Variants in ZNF250 observed in about 807,000 individuals in gnomAD.
ZNF250 encodes the protein zinc finger protein 250, also known as zinc finger protein (clone 647).
Under a neutral mutation model 37.1 loss-of-function variants are expected in ZNF250, and 13 were observed. That is an observed-to-expected ratio of 0.35 (90% CI 0.23 to 0.56). The LOEUF is 0.56. ZNF250 is among the 20% of genes least tolerant of loss of function. The probability of loss-of-function intolerance (pLI) is 0.87; values close to 1 mark genes in which losing one functional copy is unlikely to be tolerated. For missense variants in ZNF250, 474 were observed against 697.9 expected, an observed-to-expected ratio of 0.68 and a Z score of 3.61; for synonymous variants, 251 against 265.6, an observed-to-expected ratio of 0.94 and a Z score of 0.54.
Position 144,901,280 on chromosome 8 carries a change from C to T in ZNF250, c.-55+119G>A, listed in dbSNP as rs1007874266. 1 of 152,318 alleles carries T rather than the reference C, an allele frequency of 6.6e-6. No homozygotes were observed. The highest frequency in any genetic ancestry group is 1.5e-5 in the Non-Finnish European group (1 of 68,168). The allele number at this position is 152,318 out of a possible 1,614,324, so 9.4% of individuals were successfully genotyped here. ...CGTGAGGGGAGGGGACCAGCGTAAACGCAGGAGGCAGTGCGTGCTCGCGGG... is the reference window on the plus strand; with the variant it reads ...CGTGAGGGGAGGGGACCAGCGTAAATGCAGGAGGCAGTGCGTGCTCGCGGG... On this transcript the variant is annotated intron_variant, in intron 1 of 5. Coordinates refer to ENST00000417550, the MANE Select transcript of ZNF250 (RefSeq NM_001109689.4). This position sits in a 1 kb window ranked among gnomAD's most constrained non-coding sequence, Gnocchi z 5.4.
rs1238464892 is a variant in ZNF250 at position 144,891,799 on chromosome 8, C to A, written c.-54-1396G>T. Among the ~76,000 whole-genome samples, 1 of 152,132 alleles carries A rather than the reference C, an allele frequency of 6.6e-6. No individual in the cohort carries two copies. Among genetic ancestry groups the A allele is most frequent in the Non-Finnish European group, 1.5e-5 (1 of 68,036 alleles). On this transcript the variant is annotated intron_variant, in intron 1 of 5. Coordinates refer to ENST00000417550, the MANE Select transcript of ZNF250 (RefSeq NM_001109689.4). The surrounding 1 kb of genome is among the most constrained non-coding windows in gnomAD (Gnocchi z 4.0). ...CTCAGGAGGTGGAGGATGCGATGAG[C>A]CGAGATCATGCCATTGCACTCCAGC...
rs1222048919 is a variant in ZNF250, at chr8:144,901,215, G to A, written c.-55+184C>T. ...GGGTGGGAACCCCGAACGGGGGAGA[G>A]GGCGCGGCCTTGGCCCTGGGGAGGA... is the stretch of plus-strand genomic sequence containing the variant. On this transcript the variant is annotated intron_variant, in intron 1 of 5. Coordinates refer to ENST00000417550, the MANE Select transcript of ZNF250 (RefSeq NM_001109689.4). The surrounding 1 kb of genome is among the most constrained non-coding windows in gnomAD (Gnocchi z 5.4). 6.6e-6 allele frequency: 1 copy of A among 152,322 alleles called. No individual in the cohort carries two copies. Among genetic ancestry groups the A allele is most frequent in the Non-Finnish European group, 1.5e-5 (1 of 68,148 alleles). 9.4% of individuals were successfully genotyped at this position (152,322 alleles called of 1,614,324 possible).
At chr8:144,884,320 C>T (rs567626957) in intron 5 of ZNF250, among the ~76,000 whole-genome samples, 5 of 152,266 alleles carry the variant, frequency 3.3e-5, no homozygotes, top group African/African-American at 9.6e-5. Context: ...GGGACGAGCT[C>T]GGCTCACTGC....
intron 5 of ZNF250, among the ~76,000 whole-genome samples, chr8:144,885,916 C>T (rs936867980): frequency 6.7e-6 from 1 of 149,274 alleles, no homozygotes; most frequent in African/African-American, 2.5e-5. Flanking sequence ...GACCAGCTTG[C>T]GCAACATGGT....
upstream of ZNF250, chr8:144,902,082 C>A (rs1016714431): frequency 1.3e-5 from 2 of 152,370 alleles, no homozygotes; most frequent in Admixed American, 1.3e-4. Flanking sequence ...AGGTCCGAGG[C>A]GCAGCCGCTC....
At position 144,881,256 on chromosome 8, in the gene ZNF250, G is replaced by T; in HGVS notation, c.*259C>A. On this transcript the variant is annotated 3_prime_UTR_variant, in exon 6 of 6. Coordinates refer to ENST00000417550, the MANE Select transcript of ZNF250 (RefSeq NM_001109689.4). ...AAACTAATGTTAAAGAATTATGGCTGTTTTTTACCAAAATTCTCTACAATT... is the reference window on the plus strand; with the variant it reads ...AAACTAATGTTAAAGAATTATGGCTTTTTTTTACCAAAATTCTCTACAATT... 1 of 391,130 alleles carries T rather than the reference G, an allele frequency of 2.6e-6. No homozygotes were observed. Among genetic ancestry groups the T allele is most frequent in the Non-Finnish European group, 4.4e-6 (1 of 226,358 alleles). The allele number at this position is 391,130 out of a possible 1,614,324, so 24.2% of individuals were successfully genotyped here. A position where few individuals can be genotyped will look rare whatever the true frequency, so the allele number is the denominator to read the frequency against.
At chr8:144,885,843 T>C (rs772520428) in intron 5 of ZNF250, among the ~76,000 whole-genome samples, 1 of 152,168 alleles carries the variant, frequency 6.6e-6, no homozygotes, top group Non-Finnish European at 1.5e-5. Flanking sequence ...TGGTGGCTCA[T>C]GTCTGTAATC....
rs184804641 is a variant in ZNF250, at chr8:144,897,921, C to T, written c.-55+3478G>A. Among the ~76,000 whole-genome samples the T allele has an allele frequency of 5.4e-4, 83 of 152,310 alleles. No homozygotes were observed. Among genetic ancestry groups the T allele is most frequent in the African/African-American group, 1.9e-3 (77 of 41,570 alleles). On this transcript the variant is annotated intron_variant, in intron 1 of 5. Transcript: ENST00000417550. The surrounding 1 kb of genome is among the most constrained non-coding windows in gnomAD (Gnocchi z 5.2). ...CTTTAAGGGGTTTTCCACCCTGGGC[C>T]GGCCAGGTGTTCCTTGCCCTCATTC...
At position 144,890,592 on chromosome 8, in the gene ZNF250, G is replaced by C. The variant is rs984167434; in HGVS notation, c.-54-189C>G. On this transcript the variant is annotated intron_variant, in intron 1 of 5. Coordinates refer to ENST00000417550, the MANE Select transcript of ZNF250 (RefSeq NM_001109689.4). This position sits in a 1 kb window ranked among gnomAD's most constrained non-coding sequence, Gnocchi z 5.1. Reference sequence around the variant, plus strand: ...CATGAACTCTGACCCTATGGTTCAGGAGCCTGTCCAGGCCCTGAACACACA... The same window carrying C: ...CATGAACTCTGACCCTATGGTTCAGCAGCCTGTCCAGGCCCTGAACACACA... Among the ~76,000 whole-genome samples the C allele has an allele frequency of 6.6e-6, 1 of 152,064 alleles. No individual in the cohort carries two copies. Among genetic ancestry groups the C allele is most frequent in the Non-Finnish European group, 1.5e-5 (1 of 67,986 alleles).
At chr8:144,885,729 T>C (rs1016086474) in intron 5 of ZNF250, among the ~76,000 whole-genome samples, 2 of 152,250 alleles carry the variant, frequency 1.3e-5, no homozygotes, top group African/African-American at 4.8e-5. Context: ...CTTTTTTTAA[T>C]GTATAAGCCT....
Position 144,879,414 on chromosome 8 carries a change from T to A in ZNF250, c.*2101A>T, listed in dbSNP as rs1471578794. On this transcript the variant is annotated 3_prime_UTR_variant, in exon 6 of 6. Transcript: ENST00000417550. ...TGGTGTTTTGCTGTGGACTTAAGGA[T>A]CAATGCCTGGATGGGCACAGCAGCT... 6.6e-6 allele frequency: 1 copy of A among 152,220 alleles called. No homozygotes were observed. Among genetic ancestry groups the A allele is most frequent in the East Asian group, 1.9e-4 (1 of 5,198 alleles). The allele number at this position is 152,220 out of a possible 1,614,324, so 9.4% of individuals were successfully genotyped here.
Position 144,882,751 on chromosome 8 carries a change from T to C in ZNF250, c.432A>G (p.Thr144=). Residue 144 remains threonine, a synonymous_variant, in exon 6 of 6, where the codon ACA becomes ACG. Coordinates refer to ENST00000417550, the MANE Select transcript of ZNF250 (RefSeq NM_001109689.4). The surrounding 1 kb of genome is among the most constrained non-coding windows in gnomAD (Gnocchi z 5.5). The stretch of plus-strand genomic sequence containing the variant: ...TTTCTTGATCAATCCTCCCCAAGGG[T>C]GTTTTCCCCAGAATCACTGTTTGCT... ...ISEQTVILGK[T]PLGRIDQENN... is the part of the protein sequence containing the mutation. The C allele has an allele frequency of 1.2e-6, 2 of 1,614,006 alleles. No homozygotes were observed. The highest frequency in any genetic ancestry group is 3.3e-4 in the Middle Eastern group (2 of 6,062).
intron 4 of ZNF250, among the ~76,000 whole-genome samples, chr8:144,888,361 C>G (rs912393044): frequency 1.3e-5 from 2 of 152,126 alleles, no homozygotes; most frequent in African/African-American, 4.8e-5. Flanking sequence ...CTTTGGGAGG[C>G]TGAGGCAGGT....
chr8:144,899,812 C>G (rs1212518520), intron 1 of ZNF250, among the ~76,000 whole-genome samples: 3 of 152,298 alleles, frequency 2.0e-5, no homozygotes, highest in South Asian at 4.1e-4. Flanking sequence ...ATTCCAAACT[C>G]ACCCCACAAT....
chr8:144,877,967 G>A lies in ZNF250; in HGVS notation c.*3548C>T, dbSNP rs1286271373. ...ATGATTAGAAATTGGGGCCTGAATA[G>A]TAGTGGGCACTGAGCAGCTGCCACT... On this transcript the variant is annotated 3_prime_UTR_variant, in exon 6 of 6. Transcript: ENST00000417550. The A allele has an allele frequency of 6.6e-6, 1 of 152,198 alleles. No individual in the cohort carries two copies. Among genetic ancestry groups the A allele is most frequent in the Admixed American group, 6.5e-5 (1 of 15,282 alleles). The allele number at this position is 152,198 out of a possible 1,614,324, so 9.4% of individuals were successfully genotyped here.
chr8:144,885,538 T>A (rs1045936360), intron 5 of ZNF250, among the ~76,000 whole-genome samples: 5 of 152,138 alleles, frequency 3.3e-5, no homozygotes, highest in African/African-American at 1.2e-4. Context: ...GATCATGGCT[T>A]ACTGCAACCT....
Position 144,897,922 on chromosome 8 carries a change from G to A in ZNF250, c.-55+3477C>T, listed in dbSNP as rs778174243. 2.0e-5 allele frequency among the ~76,000 whole-genome samples: 3 copies of A among 152,196 alleles called. No individual in the cohort carries two copies. Among genetic ancestry groups the A allele is most frequent in the Non-Finnish European group, 2.9e-5 (2 of 68,032 alleles). On this transcript the variant is annotated intron_variant, in intron 1 of 5. Coordinates refer to ENST00000417550, the MANE Select transcript of ZNF250 (RefSeq NM_001109689.4). The surrounding 1 kb of genome is among the most constrained non-coding windows in gnomAD (Gnocchi z 5.2). ...TTTAAGGGGTTTTCCACCCTGGGCC[G>A]GCCAGGTGTTCCTTGCCCTCATTCC...
In ZNF250 at chr8:144,891,971, G is replaced by C. The variant is rs1430530894; in HGVS notation, c.-54-1568C>G. 6.6e-6 allele frequency among the ~76,000 whole-genome samples: 1 copy of C among 152,324 alleles called. No homozygotes were observed. The highest frequency in any genetic ancestry group is 6.5e-5 in the Admixed American group (1 of 15,302). On this transcript the variant is annotated intron_variant, in intron 1 of 5. Transcript: ENST00000417550. The surrounding 1 kb of genome is among the most constrained non-coding windows in gnomAD (Gnocchi z 4.0). ...ACCCAGGATGTGGAGGTTGCAGTGA[G>C]CTGAGATCATCTCAGCTGAGACTCT...
At position 144,877,105 on chromosome 8, in the gene ZNF250, T is replaced by C. The variant is rs1207519812; in HGVS notation, c.*4410A>G. Reference sequence around the variant, plus strand: ...AGAAGAAACAATTTTAAAAGAAATATATACGTATTTTTTGTGACAAGGTCT... The same window carrying C: ...AGAAGAAACAATTTTAAAAGAAATACATACGTATTTTTTGTGACAAGGTCT... On this transcript the variant is annotated 3_prime_UTR_variant, in exon 6 of 6. Coordinates refer to ENST00000417550, the MANE Select transcript of ZNF250 (RefSeq NM_001109689.4). The C allele has an allele frequency of 6.6e-6, 1 of 152,230 alleles. No homozygotes were observed. Among genetic ancestry groups the C allele is most frequent in the Non-Finnish European group, 1.5e-5 (1 of 68,044 alleles). The allele number at this position is 152,230 out of a possible 1,614,324, so 9.4% of individuals were successfully genotyped here.
Sources: allele counts gnomAD v4.1 joint callset (sites outside exome capture counted in the v4.1 genomes callset), GRCh38; gene constraint gnomAD v4.1.1; non-coding constraint Gnocchi (gnomAD v3.1); transcripts MANE v1.5; gene names NCBI Gene and HGNC (gene_info 2026-07-23, HGNC 2026-07-21).